The following WWOX variants were observed in gnomAD, a reference collection of about 807,000 sequenced individuals.
WWOX encodes WW domain-containing oxidoreductase.
A neutral mutation model predicts 46.2 loss-of-function variants in WWOX; 69 were observed. That is an observed-to-expected ratio of 1.49 (90% CI 1.23 to 1.82). The LOEUF (loss-of-function observed/expected upper bound fraction) is 1.82, where lower values mean the gene tolerates loss of function less well. WWOX is among the 40% of genes most tolerant of loss of function. The probability of loss-of-function intolerance (pLI) is 0.00; values close to 1 mark genes in which losing one functional copy is unlikely to be tolerated. For missense variants in WWOX, 919 were observed against 542.6 expected (o/e 1.69, Z -6.89); for synonymous variants, 359 against 202.6 (o/e 1.77, Z -6.56).
At chr16:78,342,439 T>C (rs1196791158) in intron 5 of WWOX, among the ~76,000 whole-genome samples, 1 of 120,838 alleles carries the variant, frequency 8.3e-6, no homozygotes, top group African/African-American at 2.8e-5. Flanking sequence ...TGTAACAGGA[T>C]GAAGCAGCAT....
Position 78,213,567 on chromosome 16 carries a change from A to G in WWOX, c.516+49278A>G, listed in dbSNP as rs1847723996. ...ATCTATTTTTAATGTGACTGAGAAA[A>G]TAATTGGTCAGATATTGCAGGATTT... On this transcript the variant is annotated intron_variant, in intron 5 of 8. Coordinates refer to ENST00000566780, the MANE Select transcript of WWOX (RefSeq NM_016373.4). Among the ~76,000 whole-genome samples the G allele has an allele frequency of 2.0e-5, 3 of 151,972 alleles. No homozygotes were observed. The South Asian group carries it at 6.3e-4, about 32-fold the overall frequency.
chr16:78,961,042 A>C lies in WWOX; in HGVS notation c.1057-250566A>C, dbSNP rs779223741. Among the ~76,000 whole-genome samples, 19 of 152,130 alleles carry C rather than the reference A, an allele frequency of 1.2e-4. 1 individual carries two copies. Among genetic ancestry groups the C allele is most frequent in the Non-Finnish European group, 2.4e-4 (16 of 68,026 alleles). On this transcript the variant is annotated intron_variant, in intron 8 of 8. Transcript: ENST00000566780. ...TCTGTAAAAGTAATCAGCTCCATAC[A>C]TCTGGGCATGATGACCCTCAGGCCC...
chr16:78,480,566 G>C (rs1384037624), intron 8 of WWOX, among the ~76,000 whole-genome samples: 4 of 152,198 alleles, frequency 2.6e-5, no homozygotes, highest in East Asian at 3.9e-4. Flanking sequence ...AGGGATTCCA[G>C]CTCAGTAGCC....
chr16:78,814,366 A>C (rs1479897527), intron 8 of WWOX, among the ~76,000 whole-genome samples: 2 of 152,138 alleles, frequency 1.3e-5, no homozygotes, highest in African/African-American at 4.8e-5. Context: ...ATTAATTCAA[A>C]TCATATTCAA....
At chr16:78,542,483 A>C (rs1241016944) in intron 8 of WWOX, among the ~76,000 whole-genome samples, 2 of 152,114 alleles carry the variant, frequency 1.3e-5, no homozygotes. Context: ...GTTTTTTAGT[A>C]GTTAAAGCTG....
intron 8 of WWOX, among the ~76,000 whole-genome samples, chr16:78,437,390 C>T (rs951010835): frequency 6.6e-6 from 1 of 152,150 alleles, no homozygotes; most frequent in Admixed American, 6.5e-5. Context: ...TGTGATCTGT[C>T]TTTTAAATGT....
intron 8 of WWOX, among the ~76,000 whole-genome samples, chr16:78,541,274 A>G (rs2043886226): frequency 2.0e-5 from 3 of 151,462 alleles, no homozygotes; most frequent in African/African-American, 7.3e-5. Flanking sequence ...GGAGATCGAG[A>G]CCATCCCGGC....
chr16:78,736,268 G>A (rs934412370), intron 8 of WWOX, among the ~76,000 whole-genome samples: 5 of 152,140 alleles, frequency 3.3e-5, no homozygotes, highest in Admixed American at 6.5e-5. Flanking sequence ...TGGTACCTTC[G>A]TGTCGGACAG....
chr16:78,730,287 TC>T (rs1006378066), intron 8 of WWOX, among the ~76,000 whole-genome samples: 1 of 152,082 alleles, frequency 6.6e-6, no homozygotes, highest in Non-Finnish European at 1.5e-5. Flanking sequence ...CATCCTTTTT[TC>T]CTCCTTCCTT....
chr16:78,941,167 G>A (rs2045844051), intron 8 of WWOX, among the ~76,000 whole-genome samples: 2 of 152,152 alleles, frequency 1.3e-5, no homozygotes, highest in African/African-American at 4.8e-5. Flanking sequence ...ACTGGTGCAT[G>A]AATGAATAGG....
chr16:78,432,753 GT>G lies in WWOX; in HGVS notation c.1056+2del. On this transcript the variant is annotated splice_donor_variant, in intron 8 of 8. Transcript: ENST00000566780. LOFTEE classifies it high-confidence loss of function. The stretch of plus-strand genomic sequence containing the variant: ...GGCGAGGCCTTTCACCAAGTCCATG[GT>G]AAGAGAACAGCTTCTGGCGCCGCAA... 1 of 1,614,134 alleles carries G rather than the reference GT, an allele frequency of 6.2e-7. No individual in the cohort carries two copies. The highest frequency in any genetic ancestry group is 8.5e-7 in the Non-Finnish European group (1 of 1,180,040).
intron 8 of WWOX, among the ~76,000 whole-genome samples, chr16:78,471,155 A>G (rs1453701349): frequency 6.6e-6 from 1 of 152,234 alleles, no homozygotes; most frequent in South Asian, 2.1e-4. Context: ...GAATGACAGA[A>G]GGTCCTCACG....
intron 5 of WWOX, among the ~76,000 whole-genome samples, chr16:78,301,331 T>C (rs1202257896): frequency 6.6e-6 from 1 of 152,228 alleles, no homozygotes; most frequent in Non-Finnish European, 1.5e-5. Context: ...AGAGTTTTTT[T>C]CAGGGATCAG....
At chr16:78,366,550 C>T (rs2081540138) in intron 5 of WWOX, among the ~76,000 whole-genome samples, 1 of 152,156 alleles carries the variant, frequency 6.6e-6, no homozygotes, top group African/African-American at 2.4e-5. Context: ...AAATAGTGGT[C>T]AACTAACTGT....
At chr16:79,204,388 C>T (rs189206906) in intron 8 of WWOX, 24 of 152,180 alleles carry the variant, frequency 1.6e-4, no homozygotes, top group Non-Finnish European at 3.2e-4. Context: ...GCCTTGAAGC[C>T]GTTTCTTTTT....
intron 8 of WWOX, among the ~76,000 whole-genome samples, chr16:78,910,606 T>C (rs1423352277): frequency 6.6e-6 from 1 of 151,966 alleles, no homozygotes; most frequent in Non-Finnish European, 1.5e-5. Context: ...GAAAGAGGTT[T>C]AATGGACTCA....
At chr16:78,921,282 G>T (rs781681064) in intron 8 of WWOX, among the ~76,000 whole-genome samples, 1 of 152,072 alleles carries the variant, frequency 6.6e-6, no homozygotes, top group African/African-American at 2.4e-5. Context: ...TCAAAATGCC[G>T]CATTTATTTT....
intron 5 of WWOX, among the ~76,000 whole-genome samples, chr16:78,204,294 G>T (rs920408139): frequency 2.0e-5 from 3 of 152,050 alleles, no homozygotes; most frequent in Non-Finnish European, 4.4e-5. Flanking sequence ...GTACATAGTA[G>T]GTGCTTATAT....
At chr16:79,178,572 C>T (rs1243561360) in intron 8 of WWOX, among the ~76,000 whole-genome samples, 5 of 152,162 alleles carry the variant, frequency 3.3e-5, no homozygotes, top group African/African-American at 1.2e-4. Context: ...CCGCCTCGAC[C>T]TCTCAAAGTG....
Sources: allele counts gnomAD v4.1 joint callset (sites outside exome capture counted in the v4.1 genomes callset), GRCh38; gene constraint gnomAD v4.1.1; transcripts MANE v1.5; gene names NCBI Gene and HGNC (gene_info 2026-07-23, HGNC 2026-07-21).